The following PRKAR1A variants were observed in gnomAD, a reference collection of about 807,000 sequenced individuals.
PRKAR1A encodes protein kinase cAMP-dependent type I regulatory subunit alpha, also known as cAMP-dependent protein kinase type I-alpha regulatory subunit.
PRKAR1A carries 3 observed loss-of-function variants against 52.0 expected under a neutral mutation model. That is an observed-to-expected ratio of 0.06 (90% CI 0.03 to 0.15). The LOEUF is 0.15. Among genes scored for constraint, PRKAR1A ranks in the 10% least tolerant of loss-of-function variants. The pLI is 1.00. For missense variants in PRKAR1A, 240 were observed against 477.4 expected, an observed-to-expected ratio of 0.50 and a Z score of 4.63; for synonymous variants, 188 against 168.4, an observed-to-expected ratio of 1.12 and a Z score of -0.90.
the PRKAR1A span, among the ~76,000 whole-genome samples, chr17:68,483,702 A>C: frequency 6.6e-6 from 1 of 152,024 alleles, no homozygotes. Context: ...TCTCTACTAA[A>C]AATACAAAAT....
At chr17:68,537,140 T>G (rs765464156), downstream of PRKAR1A, 4 of 500,656 alleles carry the variant, frequency 8.0e-6, no homozygotes, top group Non-Finnish European at 1.5e-5. This position sits in a 1 kb window ranked among gnomAD's most constrained non-coding sequence, Gnocchi z 4.2. Context: ...GATGTCCTTT[T>G]ATTTGACTTG....
In PRKAR1A at chr17:68,543,520, C is replaced by T. The variant is rs909098545; in HGVS notation, c.974-7564C>T. The T allele has an allele frequency of 1.2e-5, 11 of 945,948 alleles. No homozygotes were observed. The Admixed American group carries it at 2.0e-4, about 17-fold the overall frequency. 58.6% of individuals were successfully genotyped at this position (945,948 alleles called of 1,614,324 possible). On this transcript the variant is annotated intron_variant, in intron 11 of 11. Transcript: ENST00000585981. ...GATGAGGCACGAAGAAGATAGAAAG[C>T]CAGAAGGAAGAAATGCCAGGGAGTT...
the PRKAR1A span, among the ~76,000 whole-genome samples, chr17:68,487,203 C>T: frequency 5.3e-5 from 8 of 152,286 alleles, no homozygotes; most frequent in East Asian, 1.5e-3. Context: ...CATTCATGTA[C>T]ACACATTGCA....
the PRKAR1A span, among the ~76,000 whole-genome samples, chr17:68,505,607 G>A: frequency 6.6e-6 from 1 of 152,120 alleles, no homozygotes; most frequent in African/African-American, 2.4e-5. Context: ...GAGCTCAGGA[G>A]TTTGAGACCA....
At chr17:68,422,646 T>C in the PRKAR1A span, 3 of 149,458 alleles carry the variant, frequency 2.0e-5, no homozygotes. Context: ...CTAGAATCAC[T>C]TGAACCTAGG....
the PRKAR1A span, among the ~76,000 whole-genome samples, chr17:68,482,630 A>G: frequency 2.6e-5 from 4 of 152,208 alleles, no homozygotes; most frequent in African/African-American, 9.6e-5. Flanking sequence ...TGAAGGTTAA[A>G]TAGCTCATTA....
intron 11 of PRKAR1A, among the ~76,000 whole-genome samples, chr17:68,539,059 A>G (rs1210668713): frequency 6.6e-6 from 1 of 152,234 alleles, no homozygotes; most frequent in Non-Finnish European, 1.5e-5. Flanking sequence ...ACAGTGGTGG[A>G]TAGCTGTGTA....
At chr17:68,434,616 A>C in the PRKAR1A span, 1 of 1,614,044 alleles carries the variant, frequency 6.2e-7, no homozygotes, top group Non-Finnish European at 8.5e-7. Context: ...GAACACCCGG[A>C]TGACTGTGCC....
chr17:68,426,979 G>C, the PRKAR1A span, among the ~76,000 whole-genome samples: 1 of 152,118 alleles, frequency 6.6e-6, no homozygotes, highest in East Asian at 1.9e-4. Flanking sequence ...AATTCAAGGA[G>C]AGCACTCCAC....
At chr17:68,476,745 C>A in the PRKAR1A span, among the ~76,000 whole-genome samples, 1 of 152,030 alleles carries the variant, frequency 6.6e-6, no homozygotes, top group Non-Finnish European at 1.5e-5. Flanking sequence ...TCACTGCAAC[C>A]TCTGCCTCCT....
At chr17:68,504,714 G>A in the PRKAR1A span, among the ~76,000 whole-genome samples, 7 of 152,176 alleles carry the variant, frequency 4.6e-5, no homozygotes, top group African/African-American at 1.7e-4. Context: ...AGGGTGGAGG[G>A]GATGTAAGGA....
chr17:68,442,174 T>A, the PRKAR1A span, among the ~76,000 whole-genome samples: 1 of 151,888 alleles, frequency 6.6e-6, no homozygotes, highest in Non-Finnish European at 1.5e-5. Context: ...AAAATAAGAG[T>A]AAATGGTGGC....
chr17:68,428,555 C>T, the PRKAR1A span: 1 of 307,732 alleles, frequency 3.2e-6, no homozygotes, highest in Non-Finnish European at 6.2e-6. Flanking sequence ...TTTGAACACC[C>T]ACTGTGAGCT....
the PRKAR1A span, chr17:68,434,761 G>A: frequency 1.2e-6 from 1 of 814,522 alleles, no homozygotes; most frequent in African/African-American, 1.7e-5. Context: ...GAGCATAGAG[G>A]CATGTTTATT....
At position 68,530,233 on chromosome 17, in the gene PRKAR1A, T is replaced by A. The variant is rs1293543960; in HGVS notation, c.974-44T>A. 3 of 1,605,932 alleles carry A rather than the reference T, an allele frequency of 1.9e-6. No homozygotes were observed. The East Asian group carries it at 6.7e-5, about 36-fold the overall frequency. On this transcript the variant is annotated intron_variant, in intron 10 of 10. Transcript: ENST00000589228. ...AGAAGTGCACTGCTTTAAGGAAATG[T>A]TTTTCATAGAAGTTAGCCTGTTACC...
chr17:68,444,627 C>A, the PRKAR1A span: 1 of 1,561,824 alleles, frequency 6.4e-7, no homozygotes, highest in South Asian at 1.1e-5. Flanking sequence ...CCGAACCGTT[C>A]CTTACAAAGA....
chr17:68,536,078 A>G (rs1484228841), downstream of PRKAR1A: 6 of 453,972 alleles, frequency 1.3e-5, no homozygotes, highest in South Asian at 7.8e-5. Flanking sequence ...GTGATTTTAG[A>G]GAGACACAAA....
chr17:68,427,261 T>C, the PRKAR1A span: 2 of 1,607,122 alleles, frequency 1.2e-6, no homozygotes, highest in Non-Finnish European at 1.7e-6. Context: ...AAGCTACTTG[T>C]GACAATCAAG....
At chr17:68,440,390 A>C in the PRKAR1A span, among the ~76,000 whole-genome samples, 1 of 152,264 alleles carries the variant, frequency 6.6e-6, no homozygotes, top group Admixed American at 6.5e-5. Context: ...TCTTTCTGTT[A>C]CAGGTGTTAC....
Sources: gnomAD v4.1 joint callset for allele counts (sites outside exome capture counted in the v4.1 genomes callset) on GRCh38, gnomAD v4.1.1 for gene constraint, Gnocchi (gnomAD v3.1) non-coding constraint, MANE v1.5 for transcripts, NCBI Gene and HGNC (gene_info 2026-07-23, HGNC 2026-07-21) for gene names.